The following MACC1 variants were observed in gnomAD, a reference collection of about 807,000 sequenced individuals.
MACC1 encodes MET transcriptional regulator MACC1.
Under a neutral mutation model 70.7 loss-of-function variants are expected in MACC1, and 79 were observed. The observed-to-expected ratio is 1.12, with a 90% CI of 0.93 to 1.35. The LOEUF (loss-of-function observed/expected upper bound fraction) is 1.35. Ranked by LOEUF, MACC1 falls within the 40% of genes most tolerant of loss-of-function variation. The probability of loss-of-function intolerance (pLI) is 0.00; values close to 1 mark genes in which losing one functional copy is unlikely to be tolerated. For missense variants in MACC1, 1,106 were observed against 978.1 expected (o/e 1.13, Z -1.74); for synonymous variants, 361 against 347.2 (o/e 1.04, Z -0.44).
chr7:20,213,744 G>A lies in MACC1; in HGVS notation c.-218+3555C>T, dbSNP rs58700788. On this transcript the variant is annotated intron_variant, in intron 1 of 6. Transcript: ENST00000400331. Reference sequence around the variant, plus strand: ...CACATAAAGGGGAACAACACACACCGAGGCCAATTGAAGGGTGGAGGGTGG... The same window carrying A: ...CACATAAAGGGGAACAACACACACCAAGGCCAATTGAAGGGTGGAGGGTGG... Among the ~76,000 whole-genome samples, 753 of 152,124 alleles carry A rather than the reference G, an allele frequency of 4.9e-3. 2 individuals are homozygous for A. The highest frequency in any genetic ancestry group is 0.017 in the African/African-American group (724 of 41,494).
Position 20,154,314 on chromosome 7 carries a change from G to A in MACC1, c.2225C>T (p.Ser742Leu). 6.2e-7 allele frequency: 1 copy of A among 1,613,968 alleles called. No homozygotes were observed. Among genetic ancestry groups the A allele is most frequent in the Non-Finnish European group, 8.5e-7 (1 of 1,179,930 alleles). Reference sequence around the variant, plus strand: ...CCAGCCTTTTCCAAGCTTGACAGCTGAAGTCAGAACAGCAGCTTCTTGGAT... The same window carrying A: ...CCAGCCTTTTCCAAGCTTGACAGCTAAAGTCAGAACAGCAGCTTCTTGGAT... Reference protein sequence around the residue: ...RLIQEAAVLTSAVKLGKGWRE... With the variant: ...RLIQEAAVLTLAVKLGKGWRE... Residue 742 changes from serine (S) to leucine (L), a missense_variant, in exon 6 of 7, where the codon TCA becomes TTA. Ser to Leu is a moderately radical substitution (Grantham distance 145). Transcript: ENST00000400331.
At chr7:20,202,612 T>A (rs1431886488) in intron 1 of MACC1, among the ~76,000 whole-genome samples, 4 of 152,220 alleles carry the variant, frequency 2.6e-5, no homozygotes, top group Non-Finnish European at 4.4e-5. Context: ...AATGATTTAC[T>A]ATCTGTGATG....
chr7:20,190,765 T>C (rs984593984), intron 1 of MACC1, among the ~76,000 whole-genome samples: 1 of 152,248 alleles, frequency 6.6e-6, no homozygotes, highest in Non-Finnish European at 1.5e-5. Context: ...GAACTGTTAA[T>C]GACAGAATAA....
chr7:20,196,330 G>A lies in MACC1; in HGVS notation c.-218+20969C>T, dbSNP rs934660108. ...AGAGTAGCTGGGACTACAGGCGCCC[G>A]CCACCACGCCCGGCTAATTTTTTGT... On this transcript the variant is annotated intron_variant, in intron 1 of 6. Coordinates refer to ENST00000400331, the MANE Select transcript of MACC1 (RefSeq NM_182762.4). 1.3e-4 allele frequency among the ~76,000 whole-genome samples: 20 copies of A among 152,028 alleles called. No individual in the cohort carries two copies. In the East Asian group the frequency reaches 1.5e-3, roughly 12 times the overall value.
At chr7:20,175,350 C>A (rs1037030198) in intron 1 of MACC1, among the ~76,000 whole-genome samples, 1 of 151,890 alleles carries the variant, frequency 6.6e-6, no homozygotes, top group Non-Finnish European at 1.5e-5. Flanking sequence ...AAAATATATA[C>A]ACATATTTAA....
At chr7:20,152,366 A>G (rs1237543852) in intron 6 of MACC1, among the ~76,000 whole-genome samples, 1 of 152,168 alleles carries the variant, frequency 6.6e-6, no homozygotes, top group Non-Finnish European at 1.5e-5. Context: ...AACTACTTGA[A>G]TTGTAAATTG....
At chr7:20,191,585 C>T (rs1377053225) in intron 1 of MACC1, among the ~76,000 whole-genome samples, 4 of 152,228 alleles carry the variant, frequency 2.6e-5, no homozygotes, top group South Asian at 4.1e-4. Context: ...AGGGAACAGT[C>T]GCACTACGGG....
chr7:20,204,739 T>C (rs1242672561), intron 1 of MACC1, among the ~76,000 whole-genome samples: 2 of 152,204 alleles, frequency 1.3e-5, no homozygotes, highest in African/African-American at 4.8e-5. Context: ...AACATAAAAA[T>C]TGCATTCACA....
chr7:20,152,563 G>A (rs541808380), intron 6 of MACC1, among the ~76,000 whole-genome samples: 32 of 152,268 alleles, frequency 2.1e-4, no homozygotes, highest in African/African-American at 7.7e-4. Flanking sequence ...GAATCTGAGT[G>A]ATGACTATTA....
At chr7:20,145,152 C>T (rs945085463) in intron 6 of MACC1, among the ~76,000 whole-genome samples, 4 of 152,130 alleles carry the variant, frequency 2.6e-5, no homozygotes, top group African/African-American at 7.2e-5. Context: ...GATTTTTTCC[C>T]TCTGCAGGGT....
At chr7:20,182,248 G>A (rs969526345) in intron 1 of MACC1, among the ~76,000 whole-genome samples, 35 of 151,332 alleles carry the variant, frequency 2.3e-4, no homozygotes, top group Non-Finnish European at 4.1e-4. Flanking sequence ...GTTAAATGAC[G>A]AGTTAATGGG....
chr7:20,191,787 G>A (rs1031630786), intron 1 of MACC1, among the ~76,000 whole-genome samples: 4 of 152,144 alleles, frequency 2.6e-5, no homozygotes, highest in African/African-American at 4.8e-5. Flanking sequence ...TAATCTGTGC[G>A]GTATCAGAAA....
chr7:20,208,055 T>C (rs185872491), intron 1 of MACC1, among the ~76,000 whole-genome samples: 1 of 152,322 alleles, frequency 6.6e-6, no homozygotes, highest in Admixed American at 6.5e-5. Context: ...GACTCATCCT[T>C]TCTCCTGCCG....
chr7:20,181,962 C>T (rs1002810922), intron 1 of MACC1, among the ~76,000 whole-genome samples: 4 of 151,832 alleles, frequency 2.6e-5, no homozygotes, highest in Non-Finnish European at 4.4e-5. Context: ...TAGTGATAGA[C>T]TGGATTAAGA....
rs191786091 is a variant in MACC1 at position 20,199,782 on chromosome 7, T to G, written c.-218+17517A>C. Among the ~76,000 whole-genome samples the G allele has an allele frequency of 6.6e-5, 10 of 152,290 alleles. No individual in the cohort carries two copies. The East Asian group carries it at 1.7e-3, about 26-fold the overall frequency. Reference sequence around the variant, plus strand: ...AATTCACTTTAAATCTTTACCTTTTTCTTGTTCTTAAAGTTAAGAAAAACT... The same window carrying G: ...AATTCACTTTAAATCTTTACCTTTTGCTTGTTCTTAAAGTTAAGAAAAACT... On this transcript the variant is annotated intron_variant, in intron 1 of 6. Transcript: ENST00000400331.
At chr7:20,204,711 A>T (rs1456230699) in intron 1 of MACC1, among the ~76,000 whole-genome samples, 1 of 152,358 alleles carries the variant, frequency 6.6e-6, no homozygotes, top group East Asian at 1.9e-4. Flanking sequence ...ACAGAAAAAT[A>T]GGTTGAATTA....
At chr7:20,214,873 G>C (rs964137957) in intron 1 of MACC1, among the ~76,000 whole-genome samples, 4 of 152,086 alleles carry the variant, frequency 2.6e-5, no homozygotes, top group African/African-American at 9.7e-5. Context: ...ACTGCTGTAC[G>C]TGAGATACTT....
At chr7:20,217,109 A>C (rs973177273) in intron 1 of MACC1, among the ~76,000 whole-genome samples, 190 bp downstream of exon 1, 6 of 152,060 alleles carry the variant, frequency 3.9e-5, no homozygotes, top group Admixed American at 3.9e-4. Context: ...ATTCTATTCT[A>C]TGTCATGAGG....
intron 1 of MACC1, among the ~76,000 whole-genome samples, chr7:20,182,065 A>G (rs1782517521): frequency 6.6e-6 from 1 of 151,728 alleles, no homozygotes; most frequent in Non-Finnish European, 1.5e-5. Context: ...GCTGGAAACC[A>G]TCATTCTCAG....
Sources: allele counts gnomAD v4.1 joint callset (sites outside exome capture counted in the v4.1 genomes callset), GRCh38; gene constraint gnomAD v4.1.1; transcripts MANE v1.5; gene names NCBI Gene and HGNC (gene_info 2026-07-23, HGNC 2026-07-21).